Variants in TENM4 observed in about 807,000 individuals in gnomAD.
The protein encoded by TENM4 is teneurin transmembrane protein 4.
TENM4 carries 82 observed loss-of-function variants against 243.3 expected under a neutral mutation model. That is an observed-to-expected ratio of 0.34 (90% CI 0.28 to 0.40). The LOEUF (loss-of-function observed/expected upper bound fraction) is 0.40. Ranked by LOEUF, TENM4 falls within the 10% of genes least tolerant of loss-of-function variation. TENM4 has a pLI of 1.00. For synonymous variants in TENM4, 1,412 were observed against 1,456.3 expected, an observed-to-expected ratio of 0.97 and a Z score of 0.69; for missense variants, 3,138 against 3,673.3, an observed-to-expected ratio of 0.85 and a Z score of 3.77.
chr11:78,755,862 A>G (rs1856292925), intron 19 of TENM4, among the ~76,000 whole-genome samples: 1 of 152,144 alleles, frequency 6.6e-6, no homozygotes, highest in Admixed American at 6.5e-5. Context: ...AGAAAAATGA[A>G]CATACGAGGT....
intron 12 of TENM4, among the ~76,000 whole-genome samples, chr11:78,831,847 T>C (rs1234489148): frequency 1.3e-5 from 2 of 152,202 alleles, no homozygotes; most frequent in African/African-American, 4.8e-5. Flanking sequence ...AACCAGGCTG[T>C]TGGAACTACA....
At chr11:79,153,251 T>G (rs1388026606) in intron 3 of TENM4, among the ~76,000 whole-genome samples, 3 of 152,176 alleles carry the variant, frequency 2.0e-5, no homozygotes, top group Non-Finnish European at 4.4e-5. Flanking sequence ...TTATGGGGAT[T>G]AAATGAGAAA....
intron 6 of TENM4, among the ~76,000 whole-genome samples, chr11:79,052,163 A>G (rs1251066242): frequency 5.9e-5 from 9 of 152,196 alleles, no homozygotes; most frequent in Non-Finnish European, 1.2e-4. Flanking sequence ...GGGTCAAATG[A>G]TATTTCTGCC....
At chr11:78,879,217 C>T (rs115313595) in intron 9 of TENM4, among the ~76,000 whole-genome samples, 18,017 of 147,414 alleles carry the variant, frequency 0.12, 1,493 homozygotes, top group African/African-American at 0.24. Context: ...AAGTGAGAAG[C>T]GCCTCTGCCC....
rs750570107 is a variant in TENM4, at chr11:78,771,034, A to T, written c.2497T>A (p.Ser833Thr). ...CTGTCACCGCAGGCAGTCTCCATGG[A>T]AGTGTCACAGCCAGCTCCTCTCCAG... ...LGWRGAGCDT[S>T]METACGDSKD... is the part of the protein sequence containing the mutation. The change falls in exon 18 of 34, where the codon TCC becomes ACC. Residue 833 changes from serine to threonine, a missense_variant. Transcript: ENST00000278550. 1 of 1,583,794 alleles carries T rather than the reference A, an allele frequency of 6.3e-7. No homozygotes were observed. Among genetic ancestry groups the T allele is most frequent in the Non-Finnish European group, 8.6e-7 (1 of 1,165,016 alleles).
At chr11:79,080,424 A>G (rs1860638404) in intron 4 of TENM4, among the ~76,000 whole-genome samples, 2 of 152,248 alleles carry the variant, frequency 1.3e-5, no homozygotes, top group South Asian at 4.1e-4. Context: ...TGGGGTGGGC[A>G]GCAGAGGCTG....
intron 6 of TENM4, among the ~76,000 whole-genome samples, chr11:79,017,428 G>C (rs1048745373): frequency 2.6e-5 from 4 of 152,024 alleles, no homozygotes; most frequent in Non-Finnish European, 5.9e-5. Context: ...TCTGATGCAG[G>C]GCACAGAAGA....
chr11:79,141,368 T>A (rs1468747619), intron 4 of TENM4, among the ~76,000 whole-genome samples: 1 of 151,882 alleles, frequency 6.6e-6, no homozygotes, highest in Admixed American at 6.6e-5. Flanking sequence ...AGCAACTGTA[T>A]GCCAATAAAT....
chr11:78,736,745 A>G (rs1186246136), intron 20 of TENM4, among the ~76,000 whole-genome samples: 1 of 152,166 alleles, frequency 6.6e-6, no homozygotes, highest in Admixed American at 6.5e-5. Context: ...ACAATTGATA[A>G]CTTTCCCATA....
intron 1 of TENM4, among the ~76,000 whole-genome samples, chr11:79,390,938 T>C (rs1165453559): frequency 6.6e-6 from 1 of 152,238 alleles, no homozygotes; most frequent in Non-Finnish European, 1.5e-5. Flanking sequence ...CAATAATGCA[T>C]ATTATTTTAT....
chr11:78,712,351 A>G, intron 26 of TENM4, 131 bp downstream of exon 26: 1 of 733,880 alleles, frequency 1.4e-6, no homozygotes, highest in Non-Finnish European at 2.2e-6. Context: ...GAATTATCAC[A>G]GTTTTTACCA....
At chr11:78,696,900 G>A (rs1371446392) in intron 28 of TENM4, among the ~76,000 whole-genome samples, 1 of 151,976 alleles carries the variant, frequency 6.6e-6, no homozygotes, top group Non-Finnish European at 1.5e-5. Context: ...TCATTCAGCT[G>A]AAAGGATTTT....
rs1430067811 is a variant in TENM4, at chr11:79,069,889, T to C, written c.56A>G (p.Glu19Gly). Residue 19 changes from glutamate (E) to glycine (G), a missense_variant, in exon 5 of 34, where the codon GAG (glutamate) becomes GGG (glycine). Around this residue, in one of 2 missense-constraint regions of TENM4, gnomAD observed 671 missense variants for 614.1 expected, o/e 1.09. Coordinates refer to ENST00000278550, the MANE Select transcript of TENM4 (RefSeq NM_001098816.3). ...YRSLTRRRDA[E>G]RRYTSSSADS... ...CGCGGACGAGCTGGTGTAGCGGCGC[T>C]CGGCGTCGCGGCGCCGGGTCAGCGA... 1 of 1,548,822 alleles carries C rather than the reference T, an allele frequency of 6.5e-7. No individual in the cohort carries two copies. The highest frequency in any genetic ancestry group is 2.4e-5 in the East Asian group (1 of 40,904).
chr11:79,304,986 C>T (rs144167564), intron 1 of TENM4, among the ~76,000 whole-genome samples: 3 of 152,190 alleles, frequency 2.0e-5, no homozygotes, highest in African/African-American at 7.2e-5. Context: ...TGTGAGAAAG[C>T]CTTTTTAATA....
chr11:79,081,900 C>T (rs182743252), intron 4 of TENM4, among the ~76,000 whole-genome samples: 59 of 152,240 alleles, frequency 3.9e-4, no homozygotes, highest in African/African-American at 1.3e-3. Context: ...AAAGTGACCT[C>T]GGAACAGTCC....
intron 20 of TENM4, among the ~76,000 whole-genome samples, chr11:78,732,793 G>A (rs1272662428): frequency 1.3e-5 from 2 of 152,174 alleles, no homozygotes; most frequent in East Asian, 3.8e-4. Context: ...GATTCACATA[G>A]AGAATTTGCT....
intron 28 of TENM4, among the ~76,000 whole-genome samples, chr11:78,689,215 G>A (rs748902117): frequency 7.2e-5 from 11 of 152,186 alleles, no homozygotes; most frequent in Non-Finnish European, 1.2e-4. Context: ...ACTGCCACCT[G>A]CCTCTCTGTC....
intron 17 of TENM4, among the ~76,000 whole-genome samples, chr11:78,778,285 A>T (rs552869572): frequency 8.1e-6 from 1 of 123,424 alleles, no homozygotes; most frequent in African/African-American, 3.2e-5. Flanking sequence ...GCAGGGTGAC[A>T]TGAGATGGGG....
At chr11:79,089,127 G>T (rs1406464028) in intron 4 of TENM4, among the ~76,000 whole-genome samples, 1 of 152,200 alleles carries the variant, frequency 6.6e-6, no homozygotes, top group Admixed American at 6.5e-5. Context: ...CAATTACCTT[G>T]GGTCACTGTG....
Sources: allele counts gnomAD v4.1 joint callset (sites outside exome capture counted in the v4.1 genomes callset), GRCh38; gene constraint gnomAD v4.1.1; regional missense constraint gnomAD v4.1.1; transcripts MANE v1.5; gene names NCBI Gene and HGNC (gene_info 2026-07-23, HGNC 2026-07-21).